The following MARCHF11 variants were observed in gnomAD, a reference collection of about 807,000 sequenced individuals.
The protein encoded by MARCHF11 is E3 ubiquitin-protein ligase MARCHF11.
MARCHF11 carries 29 observed loss-of-function variants against 37.3 expected under a neutral mutation model. The observed-to-expected ratio is 0.78, with a 90% CI of 0.58 to 1.06. MARCHF11 has a LOEUF of 1.06. Among genes scored for constraint, MARCHF11 ranks in the 50% least tolerant of loss-of-function variants. The probability of loss-of-function intolerance (pLI) is 0.00; values close to 1 mark genes in which losing one functional copy is unlikely to be tolerated. For synonymous variants in MARCHF11, 233 were observed against 228.0 expected, an observed-to-expected ratio of 1.02 and a Z score of -0.20; for missense variants, 482 against 533.4, an observed-to-expected ratio of 0.90 and a Z score of 0.95.
intron 2 of MARCHF11, among the ~76,000 whole-genome samples, chr5:16,105,500 T>C (rs1737023018): frequency 6.6e-6 from 1 of 152,184 alleles, no homozygotes; most frequent in Non-Finnish European, 1.5e-5. Flanking sequence ...TGCTTAAACT[T>C]TAGGGCAATC....
intron 2 of MARCHF11, among the ~76,000 whole-genome samples, chr5:16,112,792 T>C (rs1737168409): frequency 1.3e-5 from 2 of 152,176 alleles, no homozygotes; most frequent in African/African-American, 4.8e-5. Context: ...ATAATCCTCA[T>C]GTGTTGTGGG....
chr5:16,067,732 A>G lies in MARCHF11; in HGVS notation c.948T>C (p.Asn316=). The G allele has an allele frequency of 6.2e-7, 1 of 1,613,900 alleles. No individual in the cohort carries two copies. Residue 316 remains asparagine (N), a synonymous_variant, in exon 4 of 4, where the codon AAT becomes AAC. Transcript: ENST00000332432. The stretch of plus-strand genomic sequence containing the variant: ...CATAATTTAACACATCCCAGTGCAA[A>G]TTCACAGCTCGCCAGCGCTTAAACA... ...YRVFKRWRAV[N]LHWDVLNYDK...
At chr5:16,163,323 T>C (rs1388169352) in intron 2 of MARCHF11, among the ~76,000 whole-genome samples, 1 of 151,846 alleles carries the variant, frequency 6.6e-6, no homozygotes, top group Non-Finnish European at 1.5e-5. Context: ...AAGAGGACAA[T>C]TGCATAAATT....
chr5:16,081,720 C>T (rs1327681637), intron 3 of MARCHF11, among the ~76,000 whole-genome samples: 1 of 152,172 alleles, frequency 6.6e-6, no homozygotes, highest in Non-Finnish European at 1.5e-5. Flanking sequence ...GGAGACGAAA[C>T]TCAACAATAA....
intron 2 of MARCHF11, among the ~76,000 whole-genome samples, chr5:16,146,198 C>T (rs990556167): frequency 6.6e-6 from 1 of 152,122 alleles, no homozygotes; most frequent in African/African-American, 2.4e-5. Context: ...ATGTCAGGAA[C>T]CTTTTTGCTT....
intron 3 of MARCHF11, among the ~76,000 whole-genome samples, chr5:16,078,733 A>G (rs1188304247): frequency 6.6e-6 from 1 of 152,210 alleles, no homozygotes; most frequent in Non-Finnish European, 1.5e-5. Context: ...GGATGGGGAC[A>G]GGTGGCTCTT....
intron 3 of MARCHF11, among the ~76,000 whole-genome samples, chr5:16,081,593 G>A (rs1283154914): frequency 6.6e-6 from 1 of 152,136 alleles, no homozygotes; most frequent in East Asian, 1.9e-4. Context: ...CGCACTCCAG[G>A]CTCAGCACCA....
intron 2 of MARCHF11, among the ~76,000 whole-genome samples, chr5:16,146,692 G>A (rs1004047761): frequency 2.0e-5 from 3 of 152,178 alleles, no homozygotes; most frequent in African/African-American, 7.2e-5. Flanking sequence ...TTTGGAGTAG[G>A]TTGTTTCCAA....
chr5:16,140,222 A>G (rs868390475), intron 2 of MARCHF11, among the ~76,000 whole-genome samples: 1 of 152,176 alleles, frequency 6.6e-6, no homozygotes, highest in Admixed American at 6.5e-5. Flanking sequence ...AAAATGCATA[A>G]TTATTTTAGA....
chr5:16,170,817 T>C (rs1041908007), intron 2 of MARCHF11, among the ~76,000 whole-genome samples: 1 of 152,112 alleles, frequency 6.6e-6, no homozygotes, highest in African/African-American at 2.4e-5. Flanking sequence ...TAAAATAATC[T>C]CATTTCAAGA....
intron 2 of MARCHF11, among the ~76,000 whole-genome samples, chr5:16,157,787 T>C (rs1227256961): frequency 6.6e-6 from 1 of 151,870 alleles, no homozygotes; most frequent in Non-Finnish European, 1.5e-5. Context: ...AATGATTTTT[T>C]TGGAGATGAT....
chr5:16,179,259 G>T lies in MARCHF11; in HGVS notation c.317C>A (p.Pro106Gln). 1 of 1,333,566 alleles carries T rather than the reference G, an allele frequency of 7.5e-7. No individual in the cohort carries two copies. Among genetic ancestry groups the T allele is most frequent in the Non-Finnish European group, 9.6e-7 (1 of 1,040,596 alleles). 82.6% of individuals were successfully genotyped at this position (1,333,566 alleles called of 1,614,324 possible). A position where few individuals can be genotyped will look rare whatever the true frequency, so the allele number is the denominator to read the frequency against. Residue 106 changes from proline to glutamine, a missense_variant, in exon 1 of 4, where the codon CCG (proline) becomes CAG (glutamine). Transcript: ENST00000332432. The stretch of plus-strand genomic sequence containing the variant: ...TGCTGCCGCCTCCGGGAGGCGCCTC[G>T]GACCTTCCCCGGAGTCGCCGGCCGC... ...VAAAGDSGEG[P>Q]RRLPEAAAAK...
intron 3 of MARCHF11, among the ~76,000 whole-genome samples, chr5:16,082,455 C>T (rs1736627159): frequency 6.6e-6 from 1 of 152,274 alleles, no homozygotes; most frequent in Non-Finnish European, 1.5e-5. Flanking sequence ...GCACGGCCAA[C>T]CTCACAGCCC....
At chr5:16,143,883 G>GA (rs112983291) in intron 2 of MARCHF11, among the ~76,000 whole-genome samples, 8,710 of 152,236 alleles carry the variant, frequency 0.057, 675 homozygotes, top group African/African-American at 0.18. Flanking sequence ...CAGGACTTCA[G>GA]AGTAGTTTAA....
intron 2 of MARCHF11, among the ~76,000 whole-genome samples, chr5:16,176,845 C>A (rs945544075): frequency 5.9e-5 from 9 of 152,074 alleles, no homozygotes; most frequent in Non-Finnish European, 1.0e-4. Context: ...ATTCCCTATT[C>A]TTTTTATTTC....
At chr5:16,070,512 G>A (rs996465421) in intron 3 of MARCHF11, among the ~76,000 whole-genome samples, 4 of 152,120 alleles carry the variant, frequency 2.6e-5, no homozygotes, top group Non-Finnish European at 4.4e-5. Flanking sequence ...AGGGTGCAGG[G>A]GCACAGCTTC....
At chr5:16,072,884 C>T (rs757406153) in intron 3 of MARCHF11, among the ~76,000 whole-genome samples, 8 of 152,076 alleles carry the variant, frequency 5.3e-5, no homozygotes, top group Non-Finnish European at 8.8e-5. Context: ...GGAGTGGATG[C>T]TTCACCTGCA....
intron 2 of MARCHF11, among the ~76,000 whole-genome samples, chr5:16,118,547 T>A (rs1737258008): frequency 6.6e-6 from 1 of 152,194 alleles, no homozygotes. Context: ...ATATTCAGTT[T>A]GAAATTCTCA....
intron 2 of MARCHF11, among the ~76,000 whole-genome samples, chr5:16,153,866 C>G (rs1042157319): frequency 5.9e-5 from 9 of 151,956 alleles, no homozygotes; most frequent in Admixed American, 3.9e-4. Flanking sequence ...GAGAAATAAC[C>G]TGTAGACTTT....
Sources: gnomAD v4.1 joint callset for allele counts (sites outside exome capture counted in the v4.1 genomes callset) on GRCh38, gnomAD v4.1.1 for gene constraint, MANE v1.5 for transcripts, NCBI Gene and HGNC (gene_info 2026-07-23, HGNC 2026-07-21) for gene names.